ITGA4: variants seen among roughly 807,000 people sequenced by gnomAD.
ITGA4 encodes the protein integrin subunit alpha 4.
Under a neutral mutation model 133.6 loss-of-function variants are expected in ITGA4, and 63 were observed. That is an observed-to-expected ratio of 0.47 (90% CI 0.38 to 0.58). ITGA4 has a LOEUF of 0.58. Ranked by LOEUF, ITGA4 falls within the 20% of genes least tolerant of loss-of-function variation. The pLI is 0.00. For synonymous variants in ITGA4, 483 were observed against 438.0 expected, an observed-to-expected ratio of 1.10 and a Z score of -1.28; for missense variants, 1,076 against 1,252.7, an observed-to-expected ratio of 0.86 and a Z score of 2.13.
At position 181,457,705 on chromosome 2, in the gene ITGA4, G is replaced by T; in HGVS notation, c.51G>T (p.Arg17=). Residue 17 remains arginine, a synonymous_variant, in exon 1 of 28, where the codon CGG becomes CGT. Coordinates refer to ENST00000397033, the MANE Select transcript of ITGA4 (RefSeq NM_000885.6). ...REPGPRRAAV[R]ETVMLLLCLG... is the part of the protein sequence containing the mutation. ...CCGGCCCCCGAAGGGCCGCCGTCCG[G>T]GAGACGGTGATGCTGTTGCTGTGCC... 6.2e-7 allele frequency: 1 copy of T among 1,612,332 alleles called. No individual in the cohort carries two copies. The highest frequency in any genetic ancestry group is 8.5e-7 in the Non-Finnish European group (1 of 1,179,666).
At chr2:181,481,027 A>G (rs1685789421) in intron 6 of ITGA4, among the ~76,000 whole-genome samples, 1 of 151,838 alleles carries the variant, frequency 6.6e-6, no homozygotes, top group African/African-American at 2.4e-5. Context: ...TAATTATAAA[A>G]TAAGCACTCT....
In ITGA4 at chr2:181,523,537, G is replaced by C; in HGVS notation, c.2169+5G>C. On this transcript the variant is annotated splice_donor_5th_base_variant and intron_variant, in intron 19 of 27. Transcript: ENST00000397033. This position sits in a 1 kb window ranked among gnomAD's most constrained non-coding sequence, Gnocchi z 4.2. The stretch of plus-strand genomic sequence containing the variant: ...TATGTAGATCATCTCTCAAGGGTAA[G>C]TGTTTCATATTTATGGCTTTTGTTC... 6.7e-7 allele frequency: 1 copy of C among 1,496,390 alleles called. No homozygotes were observed. Among genetic ancestry groups the C allele is most frequent in the Non-Finnish European group, 9.3e-7 (1 of 1,074,388 alleles). 92.7% of individuals were successfully genotyped at this position (1,496,390 alleles called of 1,614,324 possible).
rs572081336 is a variant in ITGA4 at position 181,477,882 on chromosome 2, G to T, written c.557-875G>T. Among the ~76,000 whole-genome samples, 324 of 152,202 alleles carry T rather than the reference G, an allele frequency of 2.1e-3. 1 individual carries two copies. The highest frequency in any genetic ancestry group is 3.9e-3 in the Non-Finnish European group (267 of 67,970). The stretch of plus-strand genomic sequence containing the variant: ...AAATGAAATCAGTACCACATAAAGA[G>T]ATCTGCGTTTTTATGTTCATTGCAG... On this transcript the variant is annotated intron_variant, in intron 4 of 27. Transcript: ENST00000397033.
At position 181,523,169 on chromosome 2, in the gene ITGA4, T is replaced by TAC. The variant is rs1223365046; in HGVS notation, c.2074-258_2074-257dup. On this transcript the variant is annotated intron_variant, in intron 18 of 27. Transcript: ENST00000397033. This position sits in a 1 kb window ranked among gnomAD's most constrained non-coding sequence, Gnocchi z 4.2. ...ACTAGAGTACACACATATATGTATA[T>TAC]ACACACACACATACACATACACATA... 2.0e-5 allele frequency among the ~76,000 whole-genome samples: 3 copies of TAC among 151,772 alleles called. No individual in the cohort carries two copies. Among genetic ancestry groups the TAC allele is most frequent in the Non-Finnish European group, 2.9e-5 (2 of 67,928 alleles).
rs1165935751 is a variant in ITGA4 at position 181,488,848 on chromosome 2, GCA to G, written c.1153+2858_1153+2859del. ...GCTGGGATTACAGGCATGAGCCACT[GCA>G]CCCAGCCCTCCAGTTCTAATTTTAT... On this transcript the variant is annotated intron_variant, in intron 10 of 27. Transcript: ENST00000397033. Among the ~76,000 whole-genome samples the G allele has an allele frequency of 4.9e-3, 745 of 152,262 alleles. 1 individual carries two copies. Among genetic ancestry groups the G allele is most frequent in the African/African-American group, 0.017 (702 of 41,554 alleles).
intron 2 of ITGA4, among the ~76,000 whole-genome samples, chr2:181,468,845 T>C (rs934935908): frequency 6.6e-6 from 1 of 152,216 alleles, no homozygotes; most frequent in Non-Finnish European, 1.5e-5. Flanking sequence ...GTTTTTTAAA[T>C]ATCTAGTGGA....
At chr2:181,502,888 A>G (rs1400093486) in intron 15 of ITGA4, among the ~76,000 whole-genome samples, 4 of 152,028 alleles carry the variant, frequency 2.6e-5, no homozygotes, top group Non-Finnish European at 4.4e-5. Context: ...AGTTTGGTCA[A>G]GAGAGTGAAG....
intron 2 of ITGA4, among the ~76,000 whole-genome samples, chr2:181,473,291 C>A (rs1306026858): frequency 6.6e-6 from 1 of 152,202 alleles, no homozygotes; most frequent in Non-Finnish European, 1.5e-5. Flanking sequence ...CGTAGGAGTG[C>A]AAACCCTATT....
chr2:181,477,348 A>G (rs567305985), intron 4 of ITGA4, among the ~76,000 whole-genome samples: 120 of 152,228 alleles, frequency 7.9e-4, no homozygotes, highest in Non-Finnish European at 1.4e-3. Context: ...AAACAACAAA[A>G]GCAAAAATAA....
rs114108021 is a variant in ITGA4 at position 181,529,492 on chromosome 2, C to T, written c.2431-49C>T. 3,623 of 912,462 alleles carry T rather than the reference C, an allele frequency of 4.0e-3. 95 individuals are homozygous for T. In the African/African-American group the frequency reaches 0.054, roughly 14 times the overall value. 56.5% of individuals were successfully genotyped at this position (912,462 alleles called of 1,614,324 possible). A position where few individuals can be genotyped will look rare whatever the true frequency, so the allele number is the denominator to read the frequency against. ...AAAAGCTCACTGATATCTGTACTTA[C>T]ATTTATAGAAAACATTTAATTTGTT... On this transcript the variant is annotated intron_variant, in intron 22 of 27. Transcript: ENST00000397033.
intron 7 of ITGA4, among the ~76,000 whole-genome samples, chr2:181,481,948 A>G (rs1685814972): frequency 6.6e-6 from 1 of 152,236 alleles, no homozygotes; most frequent in Non-Finnish European, 1.5e-5. Flanking sequence ...TCCAGGGAGT[A>G]TATGGTGAAC....
chr2:181,495,758 A>T lies in ITGA4; in HGVS notation c.1386-25A>T. On this transcript the variant is annotated intron_variant, in intron 13 of 27. Coordinates refer to ENST00000397033, the MANE Select transcript of ITGA4 (RefSeq NM_000885.6). This position sits in a 1 kb window ranked among gnomAD's most constrained non-coding sequence, Gnocchi z 4.3. ...AAGGAAAAATAATTCTGCAATTAAC[A>T]TTGCTACTTTTATTTCCTTCTCAGG... The T allele has an allele frequency of 1.9e-6, 3 of 1,596,418 alleles. No individual in the cohort carries two copies. Among genetic ancestry groups the T allele is most frequent in the Non-Finnish European group, 2.6e-6 (3 of 1,171,538 alleles).
At chr2:181,486,281 A>G (rs748357611) in intron 10 of ITGA4, 5 of 275,560 alleles carry the variant, frequency 1.8e-5, no homozygotes, top group Admixed American at 5.4e-5. Context: ...AAAGCTACCT[A>G]TTAAGCTGTT....
In ITGA4 at chr2:181,511,713, G is replaced by A. The variant is rs202190898; in HGVS notation, c.1860G>A (p.Arg620=). 19 of 1,593,088 alleles carry A rather than the reference G, an allele frequency of 1.2e-5. No individual in the cohort carries two copies. Among genetic ancestry groups the A allele is most frequent in the Middle Eastern group, 1.7e-4 (1 of 6,006 alleles). The change falls in exon 17 of 28, where the codon AGG becomes AGA. Residue 620 remains arginine (R), a synonymous_variant. Coordinates refer to ENST00000397033, the MANE Select transcript of ITGA4 (RefSeq NM_000885.6). ...DIMKKTINFA[R]FCAHENCSAD... ...TTTATTTCCAGATAAACTTTGCAAGGTTTTGTGCCCATGAAAATTGTTCTG... is the reference window on the plus strand; with the variant it reads ...TTTATTTCCAGATAAACTTTGCAAGATTTTGTGCCCATGAAAATTGTTCTG...
chr2:181,507,173 A>T (rs900132004), intron 15 of ITGA4, among the ~76,000 whole-genome samples: 1 of 152,132 alleles, frequency 6.6e-6, no homozygotes, highest in Non-Finnish European at 1.5e-5. Flanking sequence ...CAACAATTCT[A>T]ATACCAAGAA....
chr2:181,521,288 A>T (rs182879006), intron 17 of ITGA4, among the ~76,000 whole-genome samples: 1 of 152,300 alleles, frequency 6.6e-6, no homozygotes, highest in African/African-American at 2.4e-5. Flanking sequence ...TCTCACTGGG[A>T]AAAAGAATGA....
Position 181,537,781 on chromosome 2 carries a change from A to G in ITGA4, c.*2254A>G, listed in dbSNP as rs572336673. 1 of 455,646 alleles carries G rather than the reference A, an allele frequency of 2.2e-6. No individual in the cohort carries two copies. Among genetic ancestry groups the G allele is most frequent in the African/African-American group, 2.0e-5 (1 of 50,114 alleles). The allele number at this position is 455,646 out of a possible 1,614,324, so 28.2% of individuals were successfully genotyped here. ...ATTGATATCTAAAAACAGAATTTGAATTGATATTTCATCTTGACTTTTAAA... is the reference window on the plus strand; with the variant it reads ...ATTGATATCTAAAAACAGAATTTGAGTTGATATTTCATCTTGACTTTTAAA... On this transcript the variant is annotated 3_prime_UTR_variant, in exon 28 of 28. Transcript: ENST00000397033.
chr2:181,535,684 A>C lies in ITGA4; in HGVS notation c.*157A>C, dbSNP rs1350617638. ...CTTCATGCAAGGGGAAAATCTCAGC[A>C]ATGATTACTCTTTGAGATAGAAGAA... is the stretch of plus-strand genomic sequence containing the variant. On this transcript the variant is annotated 3_prime_UTR_variant, in exon 28 of 28. Transcript: ENST00000397033. 24 of 878,984 alleles carry C rather than the reference A, an allele frequency of 2.7e-5. 1 individual carries two copies. The Admixed American group carries it at 7.6e-4, about 28-fold the overall frequency. 54.4% of individuals were successfully genotyped at this position (878,984 alleles called of 1,614,324 possible). A position where few individuals can be genotyped will look rare whatever the true frequency, so the allele number is the denominator to read the frequency against.
In ITGA4 at chr2:181,535,576, A is replaced by G. The variant is rs1171912840; in HGVS notation, c.*49A>G. On this transcript the variant is annotated 3_prime_UTR_variant, in exon 28 of 28. Transcript: ENST00000397033. ...TGGAAAACAGACTCAGGTTGTAGTA[A>G]AGAAATTTAAAAGACACTGTTTACA... 6.5e-7 allele frequency: 1 copy of G among 1,543,008 alleles called. No individual in the cohort carries two copies. Among genetic ancestry groups the G allele is most frequent in the Non-Finnish European group, 8.7e-7 (1 of 1,148,832 alleles).
Sources: gnomAD v4.1 joint callset for allele counts (sites outside exome capture counted in the v4.1 genomes callset) on GRCh38, gnomAD v4.1.1 for gene constraint, Gnocchi (gnomAD v3.1) non-coding constraint, MANE v1.5 for transcripts, NCBI Gene and HGNC (gene_info 2026-07-23, HGNC 2026-07-21) for gene names.